UBAP1: variants seen among roughly 807,000 people sequenced by gnomAD.
UBAP1 encodes ubiquitin-associated protein 1.
UBAP1 carries 5 observed loss-of-function variants against 39.0 expected under a neutral mutation model. That is an observed-to-expected ratio of 0.13 (90% confidence interval 0.07 to 0.27). The LOEUF (loss-of-function observed/expected upper bound fraction) is 0.27, where lower values mean the gene tolerates loss of function less well. UBAP1 is among the 10% of genes least tolerant of loss of function. The pLI is 1.00. For synonymous variants in UBAP1, 211 were observed against 225.1 expected, an observed-to-expected ratio of 0.94 and a Z score of 0.56; for missense variants, 490 against 608.1, an observed-to-expected ratio of 0.81 and a Z score of 2.04.
chr9:34,238,838 T>A (rs1009685239), intron 3 of UBAP1, among the ~76,000 whole-genome samples: 1 of 152,208 alleles, frequency 6.6e-6, no homozygotes, highest in Admixed American at 6.5e-5. Context: ...ATTCACTGCT[T>A]TACTGATGCC....
At chr9:34,246,694 GT>G (rs1834193418) in intron 4 of UBAP1, among the ~76,000 whole-genome samples, 1 of 152,204 alleles carries the variant, frequency 6.6e-6, no homozygotes, top group Non-Finnish European at 1.5e-5. Flanking sequence ...TTAAAAGGAG[GT>G]TTATGGAAAG....
chr9:34,231,460 T>G (rs1833411616), intron 2 of UBAP1, among the ~76,000 whole-genome samples: 1 of 151,898 alleles, frequency 6.6e-6, no homozygotes, highest in Non-Finnish European at 1.5e-5. Context: ...CCACCTGCCT[T>G]GGCCTCCCAA....
intron 2 of UBAP1, among the ~76,000 whole-genome samples, chr9:34,228,693 C>G (rs1833244923): frequency 6.6e-6 from 1 of 150,974 alleles, no homozygotes; most frequent in Non-Finnish European, 1.5e-5. Context: ...CCTCAGTTTC[C>G]CGAGTAGCTG....
At chr9:34,207,256 G>C (rs1259437176) in intron 1 of UBAP1, among the ~76,000 whole-genome samples, 4 of 151,050 alleles carry the variant, frequency 2.6e-5, no homozygotes, top group African/African-American at 9.7e-5. Flanking sequence ...ATGTTGGCCA[G>C]GCTGGTCTCA....
chr9:34,189,347 C>G (rs1287874583), intron 1 of UBAP1, among the ~76,000 whole-genome samples: 1 of 151,870 alleles, frequency 6.6e-6, no homozygotes, highest in African/African-American at 2.4e-5. Flanking sequence ...TGCCACCATG[C>G]CTGGCTAATT....
intron 2 of UBAP1, among the ~76,000 whole-genome samples, chr9:34,222,806 C>T (rs188082805): frequency 1.3e-3 from 200 of 151,340 alleles, no homozygotes; most frequent in Middle Eastern, 6.8e-3. Flanking sequence ...AACAAACAAA[C>T]AAAAAATGAT....
rs577698947 is a variant in UBAP1 at position 34,224,076 on chromosome 9, G to T, written c.34+3128G>T. 7 of 633,660 alleles carry T rather than the reference G, an allele frequency of 1.1e-5. No homozygotes were observed. The East Asian group carries it at 1.7e-4, about 16-fold the overall frequency. The allele number at this position is 633,660 out of a possible 1,614,324, so 39.3% of individuals were successfully genotyped here. On this transcript the variant is annotated intron_variant, in intron 2 of 6. Transcript: ENST00000297661. The stretch of plus-strand genomic sequence containing the variant: ...CCGTCTGTTTGGCCACACTGTCCCG[G>T]CCTTGAAGTGATGCACGCAAGAAGC...
intron 2 of UBAP1, among the ~76,000 whole-genome samples, chr9:34,230,994 A>G (rs1185448241): frequency 6.6e-6 from 1 of 151,960 alleles, no homozygotes; most frequent in Non-Finnish European, 1.5e-5. Context: ...CCTGGACGAC[A>G]TAATGAGACC....
At chr9:34,179,500 C>T (rs757449993) in intron 1 of UBAP1, among the ~76,000 whole-genome samples, 2 of 151,758 alleles carry the variant, frequency 1.3e-5, no homozygotes, top group Non-Finnish European at 2.9e-5. Flanking sequence ...GAGACTAATA[C>T]CCTACTGGAA....
chr9:34,227,445 C>T (rs1489539715), intron 2 of UBAP1, among the ~76,000 whole-genome samples: 1 of 152,124 alleles, frequency 6.6e-6, no homozygotes, highest in African/African-American at 2.4e-5. Flanking sequence ...TTTGAATCTC[C>T]TCACAATAAT....
At chr9:34,199,177 A>G (rs1425438558) in intron 1 of UBAP1, among the ~76,000 whole-genome samples, 1 of 152,080 alleles carries the variant, frequency 6.6e-6, no homozygotes, top group Non-Finnish European at 1.5e-5. Context: ...GGGTTCAAGC[A>G]GTTCTCCTGC....
At chr9:34,250,056 A>G in intron 5 of UBAP1, 95 bp downstream of exon 5, 3 of 1,338,042 alleles carry the variant, frequency 2.2e-6, no homozygotes, top group East Asian at 4.8e-5. Flanking sequence ...TGTAGCACCA[A>G]CCTCCTTTCC....
chr9:34,230,130 C>A (rs556484136), intron 2 of UBAP1, among the ~76,000 whole-genome samples: 2 of 152,282 alleles, frequency 1.3e-5, no homozygotes, highest in African/African-American at 2.4e-5. Flanking sequence ...GTGGTGTGAT[C>A]TCAGCTCACT....
chr9:34,185,199 G>T (rs1318084270), intron 1 of UBAP1, among the ~76,000 whole-genome samples: 2 of 152,184 alleles, frequency 1.3e-5, no homozygotes, highest in African/African-American at 2.4e-5. Flanking sequence ...CTCCCAAAGT[G>T]CTGGGATTAC....
intron 1 of UBAP1, among the ~76,000 whole-genome samples, chr9:34,192,063 C>CT (rs1436777062): frequency 2.0e-5 from 3 of 150,468 alleles, no homozygotes; most frequent in African/African-American, 7.3e-5. Context: ...AGGTTAGTCT[C>CT]TAATTCCTGA....
At position 34,250,014 on chromosome 9, in the gene UBAP1, G is replaced by A. The variant is rs1834389525; in HGVS notation, c.1266+53G>A. On this transcript the variant is annotated intron_variant, in intron 5 of 6. Coordinates refer to ENST00000297661, the MANE Select transcript of UBAP1 (RefSeq NM_016525.5). ...GGCTCAGACCTGTGGAGCTGGAGTAGTGTCCTCCCCTGTCCTAGAGCCCCT... is the reference window on the plus strand; with the variant it reads ...GGCTCAGACCTGTGGAGCTGGAGTAATGTCCTCCCCTGTCCTAGAGCCCCT... 20 of 1,589,842 alleles carry A rather than the reference G, an allele frequency of 1.3e-5. No individual in the cohort carries two copies. The East Asian group carries it at 4.5e-4, about 36-fold the overall frequency.
At chr9:34,194,031 CTG>C (rs1830882237) in intron 1 of UBAP1, among the ~76,000 whole-genome samples, 1 of 152,170 alleles carries the variant, frequency 6.6e-6, no homozygotes, top group Non-Finnish European at 1.5e-5. Flanking sequence ...TATCAGAAGA[CTG>C]TAACTAGGGC....
At position 34,239,937 on chromosome 9, in the gene UBAP1, T is replaced by C. The variant is rs1378772450; in HGVS notation, c.160-1248T>C. On this transcript the variant is annotated intron_variant, in intron 3 of 6. Transcript: ENST00000297661. ...CCTGCTTTTTCTGCGTTCCAAGTAT[T>C]CTACATTACTTTGGTAACTAAAAAA... Among the ~76,000 whole-genome samples, 3 of 152,262 alleles carry C rather than the reference T, an allele frequency of 2.0e-5. No individual in the cohort carries two copies. The East Asian group carries it at 5.8e-4, about 29-fold the overall frequency.
intron 2 of UBAP1, among the ~76,000 whole-genome samples, chr9:34,225,631 T>C (rs1833004661): frequency 6.6e-6 from 1 of 150,704 alleles, no homozygotes; most frequent in Non-Finnish European, 1.5e-5. Context: ...CAAAAAAAAA[T>C]TAGCCGAGCA....
Sources: allele counts gnomAD v4.1 joint callset (sites outside exome capture counted in the v4.1 genomes callset), GRCh38; gene constraint gnomAD v4.1.1; transcripts MANE v1.5; gene names NCBI Gene and HGNC (gene_info 2026-07-23, HGNC 2026-07-21).